Variants in FOLR2 observed in about 807,000 individuals in gnomAD.
FOLR2 encodes folate receptor 2 (fetal).
Under a neutral mutation model 20.4 loss-of-function variants are expected in FOLR2, and 14 were observed. The ratio of observed to expected loss-of-function variants is 0.68; its 90% CI spans 0.45 to 1.07. FOLR2 has a LOEUF of 1.07. Ranked by LOEUF, FOLR2 falls within the 50% of genes least tolerant of loss-of-function variation. The pLI, the probability that FOLR2 is intolerant of heterozygous loss-of-function variation, is 0.00. For missense variants in FOLR2, 269 were observed against 322.6 expected, an observed-to-expected ratio of 0.83 and a Z score of 1.27; for synonymous variants, 114 against 114.3, an observed-to-expected ratio of 1.00 and a Z score of 0.02.
At position 72,221,192 on chromosome 11, in the gene FOLR2, G is replaced by T; in HGVS notation, c.356G>T (p.Arg119Leu). Residue 119 changes from arginine (R) to leucine (L), a missense_variant, in exon 4 of 5, where the codon CGC becomes CTC. Transcript: ENST00000298223. ...PWIQQVNQSW[R>L]KERFLDVPLC... ...CCCACCCAGGTGAATCAGAGCTGGCGCAAAGAACGCTTCCTGGATGTGCCC... is the reference window on the plus strand; with the variant it reads ...CCCACCCAGGTGAATCAGAGCTGGCTCAAAGAACGCTTCCTGGATGTGCCC... The T allele has an allele frequency of 6.2e-7, 1 of 1,612,692 alleles. No individual in the cohort carries two copies. The highest frequency in any genetic ancestry group is 8.5e-7 in the Non-Finnish European group (1 of 1,179,450).
At position 72,221,267 on chromosome 11, in the gene FOLR2, A is replaced by G; in HGVS notation, c.431A>G (p.His144Arg). ...TGGTGGGAGGATTGTCACACCTCCCACACGTGCAAGAGCAACTGGCACAGA... is the reference window on the plus strand; with the variant it reads ...TGGTGGGAGGATTGTCACACCTCCCGCACGTGCAAGAGCAACTGGCACAGA... ...QRWWEDCHTS[H>R]TCKSNWHRGW... Residue 144 changes from histidine (H) to arginine (R), a missense_variant, in exon 4 of 5, where the codon CAC (histidine) becomes CGC (arginine). His to Arg is a conservative substitution (Grantham distance 29). Transcript: ENST00000298223. The G allele has an allele frequency of 6.2e-7, 1 of 1,613,992 alleles. No individual in the cohort carries two copies. Among genetic ancestry groups the G allele is most frequent in the Non-Finnish European group, 8.5e-7 (1 of 1,179,908 alleles).
At chr11:72,220,815 T>C in intron 2 of FOLR2, 55 bp from the exon 3 acceptor site, 2 of 1,605,898 alleles carry the variant, frequency 1.2e-6, no homozygotes, top group Non-Finnish European at 1.7e-6. Context: ...AGACACGAGG[T>C]GGCAGGAGGA....
intron 1 of FOLR2, 53 bp downstream of exon 1, chr11:72,216,978 A>T: frequency 1.3e-6 from 2 of 1,565,292 alleles, no homozygotes; most frequent in Non-Finnish European, 1.7e-6. Flanking sequence ...AGACTTGGAG[A>T]GTTTGTGCAG....
chr11:72,218,766 G>C (rs1948435937), intron 2 of FOLR2, 32 bp downstream of exon 2: 2 of 1,586,496 alleles, frequency 1.3e-6, no homozygotes, highest in South Asian at 2.3e-5. Context: ...GCTAAGGAGG[G>C]GGCTTGTTCT....
Position 72,221,067 on chromosome 11 carries a change from T to TCGGGGGGGGGCCCC in FOLR2, c.339+10_339+11insGGGGGGGGGCCCCC, listed in dbSNP as rs1440362837. On this transcript the variant is annotated intron_variant, in intron 3 of 4. Transcript: ENST00000298223. ...GGCCCTGGATCCAGCAGGTAGGGTG[T>TCGGGGGGGGGCCCC]CTCCCCCCCACCCACCCCAGCAGAC... 1.8e-5 allele frequency: 29 copies of TCGGGGGGGGGCCCC among 1,569,720 alleles called. No homozygotes were observed. Among genetic ancestry groups the TCGGGGGGGGGCCCC allele is most frequent in the Non-Finnish European group, 2.4e-5 (28 of 1,154,564 alleles).
chr11:72,217,308 C>A, intron 1 of FOLR2: 2 of 1,192,454 alleles, frequency 1.7e-6, no homozygotes, highest in Non-Finnish European at 2.2e-6. Flanking sequence ...CAGGCGTGAG[C>A]CACTGTGCCC....
At chr11:72,220,009 T>G (rs1314639280) in intron 2 of FOLR2, among the ~76,000 whole-genome samples, 1 of 151,906 alleles carries the variant, frequency 6.6e-6, no homozygotes, top group Non-Finnish European at 1.5e-5. Flanking sequence ...CCTGGCTAAT[T>G]TTTTTGTATT....
In FOLR2 at chr11:72,221,753, C is replaced by T. The variant is rs374839823; in HGVS notation, c.759C>T (p.Leu253=). Residue 253 remains leucine (L), a synonymous_variant, in exon 5 of 5, where the codon CTC becomes CTT. Transcript: ENST00000298223. ...TGGCCCTGATGCTGCAACTCTGGCTCCTTGGCTGAGTTCAGTCCTCCCAGA... is the reference window on the plus strand; with the variant it reads ...TGGCCCTGATGCTGCAACTCTGGCTTCTTGGCTGAGTTCAGTCCTCCCAGA... The part of the protein sequence containing the change: ...LSLALMLQLW[L]LG 5.6e-6 allele frequency: 9 copies of T among 1,613,048 alleles called. No homozygotes were observed. In the South Asian group the frequency reaches 6.6e-5, roughly 12 times the overall value.
rs538869109 is a variant in FOLR2, at chr11:72,220,757, C to T, written c.151-113C>T. The stretch of plus-strand genomic sequence containing the variant: ...ACCATCATCTGGGAACCTGAGTGTT[C>T]TCAGGACAACCTGCCTAGGGCAGAG... On this transcript the variant is annotated intron_variant, in intron 2 of 4. Transcript: ENST00000298223. 5.1e-6 allele frequency: 7 copies of T among 1,384,670 alleles called. No homozygotes were observed. The Admixed American group carries it at 7.9e-5, about 16-fold the overall frequency. The allele number at this position is 1,384,670 out of a possible 1,614,324, so 85.8% of individuals were successfully genotyped here. A position where few individuals can be genotyped will look rare whatever the true frequency, so the allele number is the denominator to read the frequency against.
In FOLR2 at chr11:72,221,067, T is replaced by TCGGGGGGGGGGGGCCCC; in HGVS notation, c.339+10_339+11insGGGGGGGGGGGGCCCCC. On this transcript the variant is annotated intron_variant, in intron 3 of 4. Transcript: ENST00000298223. Reference sequence around the variant, plus strand: ...GGCCCTGGATCCAGCAGGTAGGGTGTCTCCCCCCCACCCACCCCAGCAGAC... The same window carrying TCGGGGGGGGGGGGCCCC: ...GGCCCTGGATCCAGCAGGTAGGGTGTCGGGGGGGGGGGGCCCCCTCCCCCCCACCCACCCCAGCAGAC... 2.2e-5 allele frequency: 34 copies of TCGGGGGGGGGGGGCCCC among 1,569,656 alleles called. No individual in the cohort carries two copies. Among genetic ancestry groups the TCGGGGGGGGGGGGCCCC allele is most frequent in the Non-Finnish European group, 2.7e-5 (31 of 1,154,512 alleles).
intron 2 of FOLR2, 70 bp downstream of exon 2, chr11:72,218,804 G>T: frequency 7.2e-7 from 1 of 1,382,388 alleles, no homozygotes; most frequent in Non-Finnish European, 1.0e-6. Flanking sequence ...CAGGATGGTG[G>T]GAGAGGGATT....
In FOLR2 at chr11:72,221,067, T is replaced by TCGGGGGGGGGGGGCCCCCCCCCCCCCC; in HGVS notation, c.339+10_339+11insGGGGGGGGGGGGCCCCCCCCCCCCCCC. On this transcript the variant is annotated intron_variant, in intron 3 of 4. Transcript: ENST00000298223. ...GGCCCTGGATCCAGCAGGTAGGGTG[T>TCGGGGGGGGGGGGCCCCCCCCCCCCCC]CTCCCCCCCACCCACCCCAGCAGAC... is the stretch of plus-strand genomic sequence containing the variant. The TCGGGGGGGGGGGGCCCCCCCCCCCCCC allele has an allele frequency of 1.0e-5, 16 of 1,569,912 alleles. No homozygotes were observed. The highest frequency in any genetic ancestry group is 1.3e-5 in the Non-Finnish European group (15 of 1,154,750).
chr11:72,219,180 G>A (rs1335828485), intron 2 of FOLR2, among the ~76,000 whole-genome samples: 1 of 152,146 alleles, frequency 6.6e-6, no homozygotes, highest in Non-Finnish European at 1.5e-5. Context: ...CTAGGGAGTC[G>A]CTGGCTTTTC....
rs1210405799 is a variant in FOLR2 at position 72,221,860 on chromosome 11, G to A, written c.*98G>A. The A allele has an allele frequency of 8.5e-7, 1 of 1,176,850 alleles. No homozygotes were observed. Among genetic ancestry groups the A allele is most frequent in the East Asian group, 2.5e-5 (1 of 39,476 alleles). The allele number at this position is 1,176,850 out of a possible 1,614,324, so 72.9% of individuals were successfully genotyped here. On this transcript the variant is annotated 3_prime_UTR_variant, in exon 5 of 5. Transcript: ENST00000298223. ...CAGCCCCTTAAGCATGCTTCTATTA[G>A]TCACCTAACCCTCTGTCACCCAGTC...
At chr11:72,220,803 A>C in intron 2 of FOLR2, 67 bp from the exon 3 acceptor site, 3 of 1,591,430 alleles carry the variant, frequency 1.9e-6, no homozygotes, top group African/African-American at 1.3e-5. Flanking sequence ...CAAATGGGGG[A>C]GAGACACGAG....
chr11:72,221,067 T>TCGGGGGGGGGCGCCCCCCCCCCCCCCCCC lies in FOLR2; in HGVS notation c.339+10_339+11insGGGGGGGGGCGCCCCCCCCCCCCCCCCCC. ...GGCCCTGGATCCAGCAGGTAGGGTGTCTCCCCCCCACCCACCCCAGCAGAC... is the reference window on the plus strand; with the variant it reads ...GGCCCTGGATCCAGCAGGTAGGGTGTCGGGGGGGGGCGCCCCCCCCCCCCCCCCCCTCCCCCCCACCCACCCCAGCAGAC... On this transcript the variant is annotated intron_variant, in intron 3 of 4. Transcript: ENST00000298223. 6.4e-7 allele frequency: 1 copy of TCGGGGGGGGGCGCCCCCCCCCCCCCCCCC among 1,570,106 alleles called. No individual in the cohort carries two copies. The highest frequency in any genetic ancestry group is 8.7e-7 in the Non-Finnish European group (1 of 1,154,908).
At position 72,221,783 on chromosome 11, in the gene FOLR2, C is replaced by G; in HGVS notation, c.*21C>G. On this transcript the variant is annotated 3_prime_UTR_variant, in exon 5 of 5. Coordinates refer to ENST00000298223, the MANE Select transcript of FOLR2 (RefSeq NM_000803.5). ...GCTGAGTTCAGTCCTCCCAGACTACCTGCCCTCAGCTTGGATAACCAGGCT... is the reference window on the plus strand; with the variant it reads ...GCTGAGTTCAGTCCTCCCAGACTACGTGCCCTCAGCTTGGATAACCAGGCT... 1.2e-6 allele frequency: 2 copies of G among 1,604,062 alleles called. No homozygotes were observed.
intron 2 of FOLR2, among the ~76,000 whole-genome samples, chr11:72,219,177 G>A (rs1352382039): frequency 1.3e-5 from 2 of 152,162 alleles, no homozygotes; most frequent in African/African-American, 4.8e-5. Context: ...AGACTAGGGA[G>A]TCGCTGGCTT....
chr11:72,220,642 G>T (rs1451664759), intron 2 of FOLR2, among the ~76,000 whole-genome samples: 2 of 152,192 alleles, frequency 1.3e-5, no homozygotes, highest in African/African-American at 4.8e-5. Flanking sequence ...CCAAGACAGG[G>T]TTTCCCCTGG....
Sources: gnomAD v4.1 joint callset for allele counts (sites outside exome capture counted in the v4.1 genomes callset) on GRCh38, gnomAD v4.1.1 for gene constraint, MANE v1.5 for transcripts, NCBI Gene and HGNC (gene_info 2026-07-23, HGNC 2026-07-21) for gene names.